Variants in DPP10 observed in about 807,000 individuals in gnomAD.
DPP10 encodes dipeptidyl peptidase like 10.
A neutral mutation model predicts 120.9 loss-of-function variants in DPP10; 33 were observed. That is an observed-to-expected ratio of 0.27 (90% CI 0.21 to 0.37). The LOEUF is 0.37. Among genes scored for constraint, DPP10 ranks in the 10% least tolerant of loss-of-function variants. The pLI, the probability that DPP10 is intolerant of heterozygous loss-of-function variation, is 1.00. For synonymous variants in DPP10, 337 were observed against 326.1 expected (o/e 1.03, Z -0.36); for missense variants, 816 against 942.8 (o/e 0.87, Z 1.76).
chr2:115,063,384 T>C (rs548714902), intron 1 of DPP10, among the ~76,000 whole-genome samples: 4 of 152,308 alleles, frequency 2.6e-5, no homozygotes, highest in East Asian at 1.9e-4. Context: ...AGAAGCTCTT[T>C]AGTTTAATTA....
intron 1 of DPP10, among the ~76,000 whole-genome samples, chr2:114,559,695 C>T (rs1455221416): frequency 1.3e-5 from 2 of 152,022 alleles, no homozygotes; most frequent in Non-Finnish European, 2.9e-5. Context: ...GTGGGACTCT[C>T]CCACCAATCT....
intron 1 of DPP10, among the ~76,000 whole-genome samples, chr2:114,503,940 TG>T (rs1180754733): frequency 6.6e-6 from 1 of 152,164 alleles, no homozygotes; most frequent in South Asian, 2.1e-4. Flanking sequence ...AATGCCTATG[TG>T]GGGGAAAGAA....
At chr2:115,837,756 A>G (rs1689680266) in intron 24 of DPP10, among the ~76,000 whole-genome samples, 1 of 152,050 alleles carries the variant, frequency 6.6e-6, no homozygotes, top group South Asian at 2.1e-4. Flanking sequence ...CACCAGTCTA[A>G]CCATGAGAAA....
chr2:115,521,507 G>A (rs966552506), intron 4 of DPP10, among the ~76,000 whole-genome samples: 1 of 152,024 alleles, frequency 6.6e-6, no homozygotes, highest in African/African-American at 2.4e-5. Flanking sequence ...TCTCCAGTGA[G>A]AATGTTACAA....
At chr2:114,554,076 G>A (rs1318158954) in intron 1 of DPP10, among the ~76,000 whole-genome samples, 1 of 152,220 alleles carries the variant, frequency 6.6e-6, no homozygotes, top group Non-Finnish European at 1.5e-5. Flanking sequence ...TAGGAGAGTT[G>A]ATGTTAGTGA....
chr2:114,497,628 C>T (rs765296262), intron 1 of DPP10, among the ~76,000 whole-genome samples: 1 of 151,984 alleles, frequency 6.6e-6, no homozygotes, highest in Non-Finnish European at 1.5e-5. Context: ...ATTTAATAAT[C>T]CCAACAGCCT....
intron 1 of DPP10, among the ~76,000 whole-genome samples, chr2:114,731,318 G>A (rs955689474): frequency 2.6e-5 from 4 of 151,514 alleles, no homozygotes; most frequent in Non-Finnish European, 4.4e-5. Context: ...GCAATATTTT[G>A]TCTTTATTGT....
intron 4 of DPP10, among the ~76,000 whole-genome samples, chr2:115,521,789 G>C (rs1381225071): frequency 2.0e-5 from 3 of 152,092 alleles, no homozygotes; most frequent in African/African-American, 7.2e-5. Context: ...CAAGGTAATA[G>C]TTCTAAATTC....
At chr2:115,033,406 G>T (rs1703984435) in intron 1 of DPP10, among the ~76,000 whole-genome samples, 1 of 151,996 alleles carries the variant, frequency 6.6e-6, no homozygotes, top group Non-Finnish European at 1.5e-5. Context: ...CATCTTTAGT[G>T]GCTCCTTTTG....
intron 1 of DPP10, among the ~76,000 whole-genome samples, chr2:114,651,889 C>T (rs891284059): frequency 1.3e-5 from 2 of 152,122 alleles, no homozygotes; most frequent in African/African-American, 2.4e-5. Flanking sequence ...CCTGAGGCAG[C>T]GTGAGTTAGG....
intron 1 of DPP10, 35 bp downstream of exon 1, chr2:114,442,873 G>A (rs775118360): frequency 6.2e-7 from 1 of 1,611,610 alleles, no homozygotes; most frequent in Non-Finnish European, 8.5e-7. Flanking sequence ...TTCTGCACAT[G>A]TGTCTTCATT....
chr2:115,688,573 C>A (rs2091137031), intron 5 of DPP10, among the ~76,000 whole-genome samples: 1 of 152,070 alleles, frequency 6.6e-6, no homozygotes, highest in South Asian at 2.1e-4. Context: ...AGCTAAAGAA[C>A]AATTTTCTTC....
At chr2:114,669,247 A>G (rs796891812) in intron 1 of DPP10, among the ~76,000 whole-genome samples, 55 of 152,310 alleles carry the variant, frequency 3.6e-4, no homozygotes, top group African/African-American at 1.3e-3. Context: ...AGATAACAAC[A>G]GTATCAAAGG....
rs190203510 is a variant in DPP10, at chr2:115,280,255, A to G, written c.61-28984A>G. Among the ~76,000 whole-genome samples, 254 of 152,290 alleles carry G rather than the reference A, an allele frequency of 1.7e-3. 4 individuals are homozygous for G. The South Asian group carries it at 0.024, about 14-fold the overall frequency. The stretch of plus-strand genomic sequence containing the variant: ...AGGTATGGACAAAGTCTTAAGATCT[A>G]TGTCTTCTACTTTTAGGCATGTAGG... On this transcript the variant is annotated intron_variant, in intron 1 of 25. Coordinates refer to ENST00000410059, the MANE Select transcript of DPP10 (RefSeq NM_020868.6).
intron 1 of DPP10, among the ~76,000 whole-genome samples, chr2:114,944,617 C>G (rs1574540463): frequency 6.6e-6 from 1 of 152,232 alleles, no homozygotes; most frequent in East Asian, 1.9e-4. Context: ...AGCCTTAGGA[C>G]AGTGTTAAAG....
chr2:115,781,781 TG>T (rs1048058924), intron 16 of DPP10, among the ~76,000 whole-genome samples: 4 of 152,012 alleles, frequency 2.6e-5, no homozygotes, highest in Non-Finnish European at 5.9e-5. Context: ...TAGTTTTAGA[TG>T]GGATTCCTTA....
intron 1 of DPP10, among the ~76,000 whole-genome samples, chr2:115,205,622 T>C (rs1320093248): frequency 6.6e-6 from 1 of 152,142 alleles, no homozygotes; most frequent in Non-Finnish European, 1.5e-5. Flanking sequence ...GACATGGAAT[T>C]AACCTCGGTG....
chr2:114,887,571 G>A (rs772398422), intron 1 of DPP10, among the ~76,000 whole-genome samples: 1 of 152,268 alleles, frequency 6.6e-6, no homozygotes, highest in Non-Finnish European at 1.5e-5. Context: ...TTATGAAGCA[G>A]GTTGCTCACC....
chr2:115,021,968 G>A (rs997362822), intron 1 of DPP10, among the ~76,000 whole-genome samples: 1 of 152,008 alleles, frequency 6.6e-6, no homozygotes, highest in African/African-American at 2.4e-5. Context: ...ATCCACTTAT[G>A]ATTAAAACCC....
Sources: gnomAD v4.1 joint callset for allele counts (sites outside exome capture counted in the v4.1 genomes callset) on GRCh38, gnomAD v4.1.1 for gene constraint, MANE v1.5 for transcripts, NCBI Gene and HGNC (gene_info 2026-07-23, HGNC 2026-07-21) for gene names.